ABCB4: variants seen among roughly 807,000 people sequenced by gnomAD.
ABCB4 encodes phosphatidylcholine translocator ABCB4.
Under a neutral mutation model 145.7 loss-of-function variants are expected in ABCB4, and 76 were observed. That is an observed-to-expected ratio of 0.52 (90% CI 0.43 to 0.63). The LOEUF (loss-of-function observed/expected upper bound fraction) is 0.63. Ranked by LOEUF, ABCB4 falls within the 30% of genes least tolerant of loss-of-function variation. The probability of loss-of-function intolerance (pLI) is 0.00; values close to 1 mark genes in which losing one functional copy is unlikely to be tolerated. For synonymous variants in ABCB4, 517 were observed against 566.8 expected, an observed-to-expected ratio of 0.91 and a Z score of 1.25; for missense variants, 1,234 against 1,553.1, an observed-to-expected ratio of 0.79 and a Z score of 3.45.
At chr7:87,409,151 C>A (rs978750524) in intron 24 of ABCB4, 85 bp downstream of exon 24, 1 of 1,514,446 alleles carries the variant, frequency 6.6e-7, no homozygotes, top group Non-Finnish European at 9.1e-7. Context: ...GTAATCATCA[C>A]AAACTTATCC....
chr7:87,396,690 T>A, the ABCB4 span, among the ~76,000 whole-genome samples: 1 of 148,894 alleles, frequency 6.7e-6, no homozygotes, highest in Non-Finnish European at 1.5e-5. Context: ...ATGCTGATTG[T>A]AAAAAAAAAA....
chr7:87,454,895 A>G (rs1468060051), intron 4 of ABCB4, among the ~76,000 whole-genome samples: 1 of 152,198 alleles, frequency 6.6e-6, no homozygotes. Context: ...CTAAGGAGGC[A>G]CAGAGGAGCC....
At chr7:87,378,941 G>C in the ABCB4 span, among the ~76,000 whole-genome samples, 3 of 152,172 alleles carry the variant, frequency 2.0e-5, no homozygotes, top group African/African-American at 7.2e-5. Flanking sequence ...ACAGTGAAAA[G>C]TTGCCACAAG....
chr7:87,414,240 A>G (rs1331594837), intron 21 of ABCB4, among the ~76,000 whole-genome samples: 5 of 152,270 alleles, frequency 3.3e-5, no homozygotes, highest in Non-Finnish European at 5.9e-5. Flanking sequence ...ATTAAATCAG[A>G]GTCAGACATC....
At chr7:87,386,314 G>A in the ABCB4 span, among the ~76,000 whole-genome samples, 1 of 152,122 alleles carries the variant, frequency 6.6e-6, no homozygotes, top group Non-Finnish European at 1.5e-5. Context: ...TGCTTAATGG[G>A]AGACTTTTTA....
chr7:87,475,539 G>GC, intron 1 of ABCB4, 68 bp from the exon 2 acceptor site: 1 of 1,520,808 alleles, frequency 6.6e-7, no homozygotes, highest in Non-Finnish European at 9.0e-7. Flanking sequence ...GAGTCGCGGG[G>GC]CCCGGGGGCA....
At chr7:87,437,096 G>A (rs1810658910) in intron 14 of ABCB4, among the ~76,000 whole-genome samples, 1 of 152,146 alleles carries the variant, frequency 6.6e-6, no homozygotes, top group Admixed American at 6.5e-5. Flanking sequence ...GATTCAATAT[G>A]GTCACAGATT....
downstream of ABCB4, chr7:87,398,996 C>T (rs1452887453): frequency 4.7e-6 from 1 of 213,082 alleles, no homozygotes; most frequent in African/African-American, 2.4e-5. Context: ...GGTTATAAAT[C>T]CTCTCTCTGG....
rs1390174203 is a variant in ABCB4 at position 87,469,496 on chromosome 7, C to T, written c.135+3125G>A. On this transcript the variant is annotated intron_variant, in intron 3 of 27. Transcript: ENST00000649586. ...CCCCATTGTCTCAGCCCAAAGCCTC[C>T]TTAAGCTGATAAGCAACTTCAGCAA... Among the ~76,000 whole-genome samples, 3 of 152,312 alleles carry T rather than the reference C, an allele frequency of 2.0e-5. 1 individual carries two copies. The highest frequency in any genetic ancestry group is 4.1e-4 in the South Asian group (2 of 4,828).
chr7:87,388,801 C>A, the ABCB4 span, among the ~76,000 whole-genome samples: 1 of 152,182 alleles, frequency 6.6e-6, no homozygotes, highest in African/African-American at 2.4e-5. Context: ...TAAAGAGCTT[C>A]TGCACAGCAA....
intron 4 of ABCB4, among the ~76,000 whole-genome samples, chr7:87,462,340 G>GAAAAGAAAACCCA (rs1812514075): frequency 6.6e-6 from 1 of 151,770 alleles, no homozygotes; most frequent in South Asian, 2.1e-4. Flanking sequence ...GGGGAGAGAA[G>GAAAAGAAAACCCA]AAAAGAAAAC....
At chr7:87,475,778 G>C (rs1187271796), upstream of ABCB4, 1 of 250,632 alleles carries the variant, frequency 4.0e-6, no homozygotes, top group Non-Finnish European at 7.4e-6. Context: ...TACCGTTGCA[G>C]CCAGGGCGAG....
At chr7:87,429,931 A>T (rs1810094062) in intron 15 of ABCB4, among the ~76,000 whole-genome samples, 3 of 152,006 alleles carry the variant, frequency 2.0e-5, no homozygotes, top group South Asian at 4.1e-4. Flanking sequence ...AAAAAAAGAA[A>T]AACAGCTTTT....
At chr7:87,374,134 C>A in the ABCB4 span, among the ~76,000 whole-genome samples, 2 of 151,936 alleles carry the variant, frequency 1.3e-5, no homozygotes, top group Non-Finnish European at 2.9e-5. Flanking sequence ...TTCTGTAATG[C>A]AGATATTTTT....
intron 3 of ABCB4, among the ~76,000 whole-genome samples, chr7:87,468,782 C>A (rs962891562): frequency 5.1e-4 from 77 of 151,430 alleles, no homozygotes; most frequent in African/African-American, 1.7e-3. Context: ...AATACAAAAA[C>A]TAGCCAGGCG....
Position 87,406,449 on chromosome 7 carries a change from T to G in ABCB4, c.3325A>C (p.Arg1109=), listed in dbSNP as rs1808201129. 1 of 1,614,048 alleles carries G rather than the reference T, an allele frequency of 6.2e-7. No individual in the cohort carries two copies. The highest frequency in any genetic ancestry group is 8.5e-7 in the Non-Finnish European group (1 of 1,179,992). Residue 1109 remains arginine (R), a synonymous_variant, in exon 26 of 28, where the codon AGA becomes CGA. Coordinates refer to ENST00000649586, the MANE Select transcript of ABCB4 (RefSeq NM_000443.4). ...TGAGACACGATTCCGAGTTGAGCTCTGAGCCACTGGACATTGAGTTTCTTT... is the reference window on the plus strand; with the variant it reads ...TGAGACACGATTCCGAGTTGAGCTCGGAGCCACTGGACATTGAGTTTCTTT... ...EAKKLNVQWL[R]AQLGIVSQEP...
chr7:87,433,927 G>T (rs898373909), intron 14 of ABCB4, among the ~76,000 whole-genome samples: 2 of 150,100 alleles, frequency 1.3e-5, no homozygotes, highest in African/African-American at 4.9e-5. Context: ...TAAAATCACC[G>T]TTTTCATTCT....
At chr7:87,367,779 A>G in the ABCB4 span, among the ~76,000 whole-genome samples, 8 of 151,990 alleles carry the variant, frequency 5.3e-5, no homozygotes, top group Admixed American at 3.3e-4. Context: ...AATATCTTCC[A>G]TCTTAAAAGG....
Position 87,431,329 on chromosome 7 carries a change from TGG to T in ABCB4, c.1893+73_1893+74del, listed in dbSNP as rs1584724236. On this transcript the variant is annotated intron_variant, in intron 15 of 27. Transcript: ENST00000649586. Reference sequence around the variant, plus strand: ...TCTTCTTGCTCAGTATAGCATTCACTGGATCATATTTTAATATTTAAAGAACA... The same window carrying T: ...TCTTCTTGCTCAGTATAGCATTCACTATCATATTTTAATATTTAAAGAACA... 11 of 1,586,488 alleles carry T rather than the reference TGG, an allele frequency of 6.9e-6. No homozygotes were observed. The East Asian group carries it at 2.5e-4, about 36-fold the overall frequency.
Sources: allele counts gnomAD v4.1 joint callset (sites outside exome capture counted in the v4.1 genomes callset), GRCh38; gene constraint gnomAD v4.1.1; transcripts MANE v1.5; gene names NCBI Gene and HGNC (gene_info 2026-07-23, HGNC 2026-07-21).